The following PLCB1 variants were observed in gnomAD, a reference collection of about 807,000 sequenced individuals.
The protein encoded by PLCB1 is 1-phosphatidylinositol 4,5-bisphosphate phosphodiesterase beta-1.
A neutral mutation model predicts 161.8 loss-of-function variants in PLCB1; 46 were observed. That is an observed-to-expected ratio of 0.28 (90% CI 0.22 to 0.36). The LOEUF (loss-of-function observed/expected upper bound fraction) is 0.36. PLCB1 is among the 10% of genes least tolerant of loss of function. The pLI, the probability that PLCB1 is intolerant of heterozygous loss-of-function variation, is 1.00. For missense variants in PLCB1, 1,016 were observed against 1,472.5 expected (o/e 0.69, Z 5.07); for synonymous variants, 517 against 503.7 (o/e 1.03, Z -0.35).
intron 25 of PLCB1, among the ~76,000 whole-genome samples, chr20:8,762,653 A>G (rs1428367307): frequency 6.6e-6 from 1 of 152,220 alleles, no homozygotes; most frequent in Non-Finnish European, 1.5e-5. Context: ...TTATGCAACC[A>G]TAATGAGTCA....
chr20:8,685,282 C>G (rs946647807), intron 10 of PLCB1, among the ~76,000 whole-genome samples: 2 of 150,572 alleles, frequency 1.3e-5, no homozygotes, highest in Non-Finnish European at 3.0e-5. Flanking sequence ...CATCATTTCT[C>G]CACAGCCTAA....
intron 31 of PLCB1, among the ~76,000 whole-genome samples, chr20:8,802,749 C>G (rs1294507568): frequency 6.6e-6 from 1 of 152,134 alleles, no homozygotes; most frequent in Non-Finnish European, 1.5e-5. Flanking sequence ...AGCAAGAGCT[C>G]TTGGAAATAT....
chr20:8,455,473 C>T (rs1352684098), intron 3 of PLCB1, among the ~76,000 whole-genome samples: 1 of 118,572 alleles, frequency 8.4e-6, no homozygotes, highest in Non-Finnish European at 1.6e-5. Flanking sequence ...CGGAGTCTCG[C>T]TCTGTCACCC....
At chr20:8,386,156 C>G (rs1430425853) in intron 3 of PLCB1, among the ~76,000 whole-genome samples, 2 of 152,104 alleles carry the variant, frequency 1.3e-5, no homozygotes, top group Admixed American at 6.5e-5. Context: ...TTGACCTTCT[C>G]CCATGAATCT....
intron 31 of PLCB1, among the ~76,000 whole-genome samples, chr20:8,829,745 G>C (rs1985892909): frequency 6.6e-6 from 1 of 152,162 alleles, no homozygotes; most frequent in South Asian, 2.1e-4. Context: ...AGAACAAACT[G>C]TTCAGCAACG....
intron 9 of PLCB1, among the ~76,000 whole-genome samples, chr20:8,673,932 G>A (rs1568555598): frequency 6.6e-6 from 1 of 152,106 alleles, no homozygotes; most frequent in Non-Finnish European, 1.5e-5. Flanking sequence ...GCTCTCTTTA[G>A]CTGCCAGAGC....
At chr20:8,789,453 C>G in intron 29 of PLCB1, 65 bp from the exon 30 acceptor site, 1 of 1,014,530 alleles carries the variant, frequency 9.9e-7, no homozygotes, top group South Asian at 1.3e-5. Context: ...ATCTAGAAGT[C>G]TGAGATTACC....
intron 3 of PLCB1, among the ~76,000 whole-genome samples, chr20:8,392,599 A>C (rs1465629610): frequency 6.6e-6 from 1 of 152,194 alleles, no homozygotes; most frequent in African/African-American, 2.4e-5. Flanking sequence ...ATTTGTATCC[A>C]TCATGGAGCT....
chr20:8,851,076 T>TA (rs1329111945), intron 31 of PLCB1, among the ~76,000 whole-genome samples: 5 of 152,236 alleles, frequency 3.3e-5, no homozygotes, highest in African/African-American at 7.2e-5. Context: ...AGATATCCTT[T>TA]AAAAATGTTT....
chr20:8,862,496 C>G (rs1449053580), intron 31 of PLCB1, among the ~76,000 whole-genome samples: 1 of 152,184 alleles, frequency 6.6e-6, no homozygotes, highest in African/African-American at 2.4e-5. Flanking sequence ...TAACAGGAAT[C>G]TAATTGGCTA....
chr20:8,783,279 C>T (rs1263683468), intron 27 of PLCB1, among the ~76,000 whole-genome samples: 1 of 152,224 alleles, frequency 6.6e-6, no homozygotes, highest in Non-Finnish European at 1.5e-5. Context: ...ATTTTTGCTT[C>T]TTCTCTACCT....
At chr20:8,262,311 G>C (rs1469270169) in intron 2 of PLCB1, among the ~76,000 whole-genome samples, 1 of 151,750 alleles carries the variant, frequency 6.6e-6, no homozygotes, top group Non-Finnish European at 1.5e-5. Context: ...GGCTGGTCTC[G>C]AACTCCTGAC....
intron 3 of PLCB1, among the ~76,000 whole-genome samples, chr20:8,565,587 T>C (rs1475839736): frequency 6.6e-6 from 1 of 151,972 alleles, no homozygotes; most frequent in African/African-American, 2.4e-5. Context: ...TGGGTCTGAA[T>C]AGGCAAACAG....
At chr20:8,802,117 A>G in intron 31 of PLCB1, 7 of 1,590,436 alleles carry the variant, frequency 4.4e-6, no homozygotes, top group Non-Finnish European at 6.0e-6. Context: ...GTTTCCCCCA[A>G]CTTTACTCCC....
intron 3 of PLCB1, among the ~76,000 whole-genome samples, chr20:8,622,084 T>G (rs538322700): frequency 7.0e-6 from 1 of 142,334 alleles, no homozygotes; most frequent in Non-Finnish European, 1.5e-5. Context: ...GGTGAAACCG[T>G]CTCTACTCAA....
chr20:8,390,486 A>G (rs1196479537), intron 3 of PLCB1, among the ~76,000 whole-genome samples: 1 of 152,184 alleles, frequency 6.6e-6, no homozygotes, highest in Non-Finnish European at 1.5e-5. Context: ...GTCAGCCCTT[A>G]ACAGTGTTCC....
chr20:8,241,328 A>G (rs1379955408), intron 2 of PLCB1, among the ~76,000 whole-genome samples: 1 of 151,814 alleles, frequency 6.6e-6, no homozygotes, highest in Admixed American at 6.6e-5. Flanking sequence ...TTGGGTCACA[A>G]TTGTCTGATG....
At chr20:8,255,499 TA>T (rs1981365429) in intron 2 of PLCB1, among the ~76,000 whole-genome samples, 1 of 152,062 alleles carries the variant, frequency 6.6e-6, no homozygotes, top group South Asian at 2.1e-4. Flanking sequence ...TTGTATTACT[TA>T]AGGTATGATA....
intron 3 of PLCB1, among the ~76,000 whole-genome samples, chr20:8,494,128 T>C (rs989565540): frequency 6.6e-6 from 1 of 152,168 alleles, no homozygotes; most frequent in Non-Finnish European, 1.5e-5. Context: ...GTAGCAGTCC[T>C]TACCTTGGTG....
Sources: allele counts gnomAD v4.1 joint callset (sites outside exome capture counted in the v4.1 genomes callset), GRCh38; gene constraint gnomAD v4.1.1; transcripts MANE v1.5; gene names NCBI Gene and HGNC (gene_info 2026-07-23, HGNC 2026-07-21).